The following ZNF233 variants were observed in gnomAD, a reference collection of about 807,000 sequenced individuals.
ZNF233 encodes zinc finger protein 233.
In ZNF233, 7 loss-of-function variants were observed where a neutral mutation model predicts 11.6. That is an observed-to-expected ratio of 0.60 (90% CI 0.34 to 1.13). The LOEUF (loss-of-function observed/expected upper bound fraction) is 1.13. Among genes scored for constraint, ZNF233 ranks in the 50% most tolerant of loss-of-function variants. The pLI, the probability that ZNF233 is intolerant of heterozygous loss-of-function variation, is 0.03. For missense variants in ZNF233, 711 were observed against 785.5 expected (o/e 0.91, Z 1.13); for synonymous variants, 226 against 268.5 (o/e 0.84, Z 1.55).
chr19:44,259,970 C>T (rs750821246), intron 1 of ZNF233, 32 bp downstream of exon 1: 1 of 453,288 alleles, frequency 2.2e-6, no homozygotes, highest in East Asian at 7.1e-5. Flanking sequence ...GCATCTACGG[C>T]GAGCTTTCCT....
intron 4 of ZNF233, among the ~76,000 whole-genome samples, chr19:44,268,562 G>A (rs543196644): frequency 7.2e-5 from 11 of 152,206 alleles, no homozygotes; most frequent in African/African-American, 2.2e-4. Context: ...AATATTTGTC[G>A]AATGAGTGAC....
In ZNF233 at chr19:44,259,927, C is replaced by T. The variant is rs1457228889; in HGVS notation, c.-59C>T. The T allele has an allele frequency of 4.4e-6, 2 of 455,800 alleles. No individual in the cohort carries two copies. Among genetic ancestry groups the T allele is most frequent in the East Asian group, 1.4e-4 (2 of 14,264 alleles). The allele number at this position is 455,800 out of a possible 1,614,324, so 28.2% of individuals were successfully genotyped here. On this transcript the variant is annotated 5_prime_UTR_variant, in exon 1 of 5. Coordinates refer to ENST00000683810, the MANE Select transcript of ZNF233 (RefSeq NM_001207005.2). ...GGAGGGCGAAGCAGCCGTCATCTAT[C>T]CCCTCTGGGAGGTGAGTCAGCGCGG... is the stretch of plus-strand genomic sequence containing the variant.
In ZNF233 at chr19:44,271,423, C is replaced by T. The variant is rs142577241; in HGVS notation, c.239-1476C>T. 1.8e-4 allele frequency among the ~76,000 whole-genome samples: 27 copies of T among 152,202 alleles called. 1 individual carries two copies. In the East Asian group the frequency reaches 5.0e-3, roughly 28 times the overall value. On this transcript the variant is annotated intron_variant, in intron 4 of 4. Transcript: ENST00000683810. ...TTTTGGGCTTTATCATATACAGATG[C>T]AGGTTGTACAATGTAACCATGATTC...
intron 4 of ZNF233, 49 bp from the exon 5 acceptor site, chr19:44,272,850 A>AT (rs1975273978): frequency 7.7e-7 from 1 of 1,293,544 alleles, no homozygotes; most frequent in Admixed American, 2.4e-5. Context: ...TTCTGAACAA[A>AT]TGTTCAGTTG....
At chr19:44,261,589 AATAG>A (rs1308872662) in intron 1 of ZNF233, among the ~76,000 whole-genome samples, 1 of 152,120 alleles carries the variant, frequency 6.6e-6, no homozygotes, top group Non-Finnish European at 1.5e-5. Context: ...AAAATAAATA[AATAG>A]ATAGGGTTTA....
chr19:44,270,630 C>T (rs759550872), intron 4 of ZNF233, among the ~76,000 whole-genome samples: 4 of 152,198 alleles, frequency 2.6e-5, no homozygotes, highest in Non-Finnish European at 5.9e-5. Flanking sequence ...AGGGTTCTCA[C>T]TCCGGATCTC....
In ZNF233 at chr19:44,264,391, AT is replaced by A. The variant is rs1249693956; in HGVS notation, c.15+21del. Reference sequence around the variant, plus strand: ...CAAGTTTCAGGTGAGTTGAGTTTTGATTTTTATCTCTTAAAATGACATCTCT... The same window carrying A: ...CAAGTTTCAGGTGAGTTGAGTTTTGATTTTATCTCTTAAAATGACATCTCT... On this transcript the variant is annotated intron_variant, in intron 2 of 4. Transcript: ENST00000683810. 1 of 1,609,658 alleles carries A rather than the reference AT, an allele frequency of 6.2e-7. No homozygotes were observed. The highest frequency in any genetic ancestry group is 8.5e-7 in the Non-Finnish European group (1 of 1,178,450).
intron 1 of ZNF233, among the ~76,000 whole-genome samples, chr19:44,261,052 C>T (rs1357197860): frequency 1.3e-5 from 2 of 152,060 alleles, no homozygotes; most frequent in Admixed American, 1.3e-4. Context: ...CAAAGTAAAA[C>T]AACAGGAAAG....
chr19:44,272,817 C>T lies in ZNF233; in HGVS notation c.239-82C>T, dbSNP rs73553262. The T allele has an allele frequency of 5.6e-3, 5,513 of 979,052 alleles. 203 individuals carry two copies. In the African/African-American group the frequency reaches 0.078, roughly 14 times the overall value. The allele number at this position is 979,052 out of a possible 1,614,324, so 60.6% of individuals were successfully genotyped here. A position where few individuals can be genotyped will look rare whatever the true frequency, so the allele number is the denominator to read the frequency against. On this transcript the variant is annotated intron_variant, in intron 4 of 4. Coordinates refer to ENST00000683810, the MANE Select transcript of ZNF233 (RefSeq NM_001207005.2). ...GTTTATTAAGGTTTCCCAATGTGGT[C>T]AACCTGTGAAATGTTTTTTTATTTC...
intron 2 of ZNF233, among the ~76,000 whole-genome samples, chr19:44,264,720 G>C (rs976551479): frequency 2.6e-5 from 4 of 152,032 alleles, no homozygotes; most frequent in Non-Finnish European, 4.4e-5. Context: ...ATACTTGTCA[G>C]TGTATTTTAA....
chr19:44,264,909 G>C (rs1975030245), intron 2 of ZNF233, among the ~76,000 whole-genome samples: 1 of 152,038 alleles, frequency 6.6e-6, no homozygotes, highest in Admixed American at 6.6e-5. Context: ...ATTTCAATTT[G>C]CAAGACTTTT....
intron 1 of ZNF233, chr19:44,260,145 G>C (rs1410584456): frequency 4.2e-6 from 1 of 240,188 alleles, no homozygotes; most frequent in East Asian, 1.5e-4. Context: ...TCTCCCGGGC[G>C]CTCAAGTTCC....
rs1975349164 is a variant in ZNF233 at position 44,274,769 on chromosome 19, AT to A, written c.*99del. ...TCAGAAAATCCACACAGCACAGAAT[AT>A]TTATAAAATGTCATGTTTTAAGAAT... On this transcript the variant is annotated 3_prime_UTR_variant, in exon 5 of 5. Transcript: ENST00000683810. The A allele has an allele frequency of 7.4e-6, 7 of 941,062 alleles. No individual in the cohort carries two copies. Among genetic ancestry groups the A allele is most frequent in the Non-Finnish European group, 1.1e-5 (7 of 659,914 alleles). 58.3% of individuals were successfully genotyped at this position (941,062 alleles called of 1,614,324 possible). A position where few individuals can be genotyped will look rare whatever the true frequency, so the allele number is the denominator to read the frequency against.
At chr19:44,264,286 T>G in intron 1 of ZNF233, 28 bp from the exon 2 acceptor site, 1 of 1,497,980 alleles carries the variant, frequency 6.7e-7, no homozygotes. Context: ...TAGGGCCTGT[T>G]TCTCATGGCT....
intron 4 of ZNF233, among the ~76,000 whole-genome samples, chr19:44,270,613 C>G (rs1302232673): frequency 2.6e-5 from 4 of 152,302 alleles, no homozygotes; most frequent in Middle Eastern, 3.4e-3. Flanking sequence ...TAGCTTAACC[C>G]TAAGTGAGGG....
chr19:44,271,538 C>G (rs1555797789), intron 4 of ZNF233, among the ~76,000 whole-genome samples: 1 of 150,110 alleles, frequency 6.7e-6, no homozygotes, highest in African/African-American at 2.5e-5. Flanking sequence ...GAGACGGAGT[C>G]TCACTCTGTA....
intron 1 of ZNF233, among the ~76,000 whole-genome samples, chr19:44,261,817 A>G (rs1466153125): frequency 1.3e-5 from 2 of 151,608 alleles, no homozygotes; most frequent in African/African-American, 4.8e-5. Context: ...ATGCCTGGCT[A>G]ATTTTTGTAT....
intron 4 of ZNF233, chr19:44,267,498 A>C: frequency 2.5e-6 from 1 of 397,396 alleles, no homozygotes. Context: ...ATGGGACTAC[A>C]GGCACTTGCC....
In ZNF233 at chr19:44,275,260, C is replaced by T. The variant is rs1975362721; in HGVS notation, c.*587C>T. 8.6e-6 allele frequency: 2 copies of T among 232,344 alleles called. No homozygotes were observed. The highest frequency in any genetic ancestry group is 8.2e-6 in the Non-Finnish European group (1 of 121,918). 14.4% of individuals were successfully genotyped at this position (232,344 alleles called of 1,614,324 possible). On this transcript the variant is annotated 3_prime_UTR_variant, in exon 5 of 5. Coordinates refer to ENST00000683810, the MANE Select transcript of ZNF233 (RefSeq NM_001207005.2). ...AATTGTACTGGGAAAAGGATTCTTG[C>T]AAGAAGCCTTAAAATGAATTCAAGG...
Sources: gnomAD v4.1 joint callset for allele counts (sites outside exome capture counted in the v4.1 genomes callset) on GRCh38, gnomAD v4.1.1 for gene constraint, MANE v1.5 for transcripts, NCBI Gene and HGNC (gene_info 2026-07-23, HGNC 2026-07-21) for gene names.